Variants in GAS2 observed in about 807,000 individuals in gnomAD.
GAS2 encodes the protein growth arrest-specific protein 2.
Under a neutral mutation model 37.5 loss-of-function variants are expected in GAS2, and 20 were observed. The ratio of observed to expected loss-of-function variants is 0.53; its 90% CI spans 0.37 to 0.77. The LOEUF (loss-of-function observed/expected upper bound fraction) is 0.77. GAS2 is among the 30% of genes least tolerant of loss of function. The pLI, the probability that GAS2 is intolerant of heterozygous loss-of-function variation, is 0.00. For synonymous variants in GAS2, 144 were observed against 132.2 expected, an observed-to-expected ratio of 1.09 and a Z score of -0.61; for missense variants, 336 against 373.4, an observed-to-expected ratio of 0.90 and a Z score of 0.82.
At chr11:22,713,338 A>T (rs529226618) in intron 3 of GAS2, among the ~76,000 whole-genome samples, 2 of 151,856 alleles carry the variant, frequency 1.3e-5, no homozygotes, top group South Asian at 4.2e-4. Context: ...ATGAGCAAAG[A>T]ATCCAAGAAA....
chr11:22,779,569 G>A (rs1855445045), intron 7 of GAS2, among the ~76,000 whole-genome samples: 1 of 152,076 alleles, frequency 6.6e-6, no homozygotes, highest in Admixed American at 6.5e-5. Context: ...GTGGTGGCAT[G>A]CACCTGTAAT....
chr11:22,713,286 A>G (rs1851502244), intron 3 of GAS2, among the ~76,000 whole-genome samples: 1 of 151,820 alleles, frequency 6.6e-6, no homozygotes, highest in African/African-American at 2.4e-5. Flanking sequence ...AGACTTCTGA[A>G]TTAACCCTAT....
intron 3 of GAS2, among the ~76,000 whole-genome samples, chr11:22,718,421 C>T (rs572658934): frequency 2.2e-4 from 34 of 151,816 alleles, no homozygotes; most frequent in African/African-American, 8.2e-4. Context: ...GAATGGACAA[C>T]CAAACATTGT....
At chr11:22,651,393 T>G (rs1386570694) in intron 1 of GAS2, among the ~76,000 whole-genome samples, 2 of 152,206 alleles carry the variant, frequency 1.3e-5, no homozygotes, top group East Asian at 3.9e-4. Flanking sequence ...GACAATTATG[T>G]GTCTTGGAGT....
At chr11:22,656,961 G>A (rs1285560989) in intron 1 of GAS2, among the ~76,000 whole-genome samples, 1 of 152,108 alleles carries the variant, frequency 6.6e-6, no homozygotes, top group African/African-American at 2.4e-5. Flanking sequence ...TCTGATCCCA[G>A]TGAGTATGAT....
chr11:22,653,076 C>A (rs71490641), intron 1 of GAS2, among the ~76,000 whole-genome samples: 2 of 98,886 alleles, frequency 2.0e-5, no homozygotes, highest in African/African-American at 7.1e-5. Context: ...TTTGCTTTCT[C>A]TCTCTCTCCT....
chr11:22,639,644 A>G (rs1281720238), intron 1 of GAS2, among the ~76,000 whole-genome samples: 1 of 152,164 alleles, frequency 6.6e-6, no homozygotes, highest in Non-Finnish European at 1.5e-5. Flanking sequence ...CGTGCATCCT[A>G]TGATATTATA....
At chr11:22,650,736 G>A (rs1848764357) in intron 1 of GAS2, among the ~76,000 whole-genome samples, 1 of 152,210 alleles carries the variant, frequency 6.6e-6, no homozygotes, top group Non-Finnish European at 1.5e-5. Context: ...GACTAGAATT[G>A]CAACCCCTGC....
intron 2 of GAS2, among the ~76,000 whole-genome samples, chr11:22,685,074 A>T (rs1590630237): frequency 6.6e-6 from 1 of 151,936 alleles, no homozygotes; most frequent in Admixed American, 6.6e-5. Context: ...CCGAGGCTGG[A>T]GGATTGCTTG....
intron 1 of GAS2, 61 bp from the exon 2 acceptor site, chr11:22,674,789 T>A: frequency 7.6e-7 from 1 of 1,318,120 alleles, no homozygotes; most frequent in Middle Eastern, 1.9e-4. Flanking sequence ...AATGTCATGA[T>A]GACAACATTT....
At chr11:22,762,855 A>T (rs901007454) in intron 7 of GAS2, among the ~76,000 whole-genome samples, 1 of 152,212 alleles carries the variant, frequency 6.6e-6, no homozygotes, top group African/African-American at 2.4e-5. Flanking sequence ...TATCTTTTCA[A>T]TAGAAATCAG....
chr11:22,811,138 T>C (rs956416485), intron 7 of GAS2, among the ~76,000 whole-genome samples: 6 of 152,086 alleles, frequency 3.9e-5, no homozygotes, highest in Non-Finnish European at 5.9e-5. Context: ...TCAATAACCT[T>C]GTTAAGTTGG....
intron 1 of GAS2, chr11:22,667,100 G>A (rs1386998514): frequency 2.0e-5 from 3 of 152,288 alleles, no homozygotes; most frequent in Non-Finnish European, 4.4e-5. Flanking sequence ...TTCTCTAAGA[G>A]TGGGTATTCA....
rs1047060174 is a variant in GAS2 at position 22,787,744 on chromosome 11, C to T, written c.724-24054C>T. Reference sequence around the variant, plus strand: ...GCATTTTTATTCGGGGACAAACCCACGCATTTAATGTGCTGCTGCCACCTA... The same window carrying T: ...GCATTTTTATTCGGGGACAAACCCATGCATTTAATGTGCTGCTGCCACCTA... On this transcript the variant is annotated intron_variant, in intron 7 of 7. Coordinates refer to ENST00000454584, the MANE Select transcript of GAS2 (RefSeq NM_001143830.3). Among the ~76,000 whole-genome samples the T allele has an allele frequency of 9.2e-5, 14 of 152,246 alleles. No homozygotes were observed. The East Asian group carries it at 2.5e-3, about 27-fold the overall frequency.
chr11:22,726,208 G>C, intron 3 of GAS2, 84 bp from the exon 4 acceptor site: 2 of 1,384,754 alleles, frequency 1.4e-6, no homozygotes, highest in Non-Finnish European at 2.0e-6. Flanking sequence ...TAATTCCGAA[G>C]CATTTTGTTG....
intron 7 of GAS2, among the ~76,000 whole-genome samples, chr11:22,786,262 C>T (rs961479345): frequency 2.0e-5 from 3 of 152,036 alleles, no homozygotes; most frequent in African/African-American, 7.2e-5. Flanking sequence ...GAACTTCATC[C>T]GAGCTGTCAC....
intron 1 of GAS2, among the ~76,000 whole-genome samples, chr11:22,637,125 T>C (rs1399039354): frequency 2.3e-5 from 3 of 128,324 alleles, no homozygotes; most frequent in African/African-American, 9.2e-5. Flanking sequence ...ATAATATTAC[T>C]TATATTAATA....
intron 1 of GAS2, among the ~76,000 whole-genome samples, chr11:22,653,147 TCTC>T (rs915696185): frequency 1.6e-4 from 25 of 151,568 alleles, no homozygotes; most frequent in African/African-American, 5.8e-4. Flanking sequence ...TCTCCTCTCC[TCTC>T]CTCCTGCTTT....
intron 7 of GAS2, among the ~76,000 whole-genome samples, chr11:22,772,943 G>A (rs1022175833): frequency 6.6e-6 from 1 of 152,142 alleles, no homozygotes; most frequent in African/African-American, 2.4e-5. Context: ...ACACCAGTGG[G>A]CTCTTTTTCA....
Sources: allele counts gnomAD v4.1 joint callset (sites outside exome capture counted in the v4.1 genomes callset), GRCh38; gene constraint gnomAD v4.1.1; transcripts MANE v1.5; gene names NCBI Gene and HGNC (gene_info 2026-07-23, HGNC 2026-07-21).